RP1: variants seen among roughly 807,000 people sequenced by gnomAD.
RP1 encodes the protein oxygen-regulated protein 1.
RP1 carries 16 observed loss-of-function variants against 14.8 expected under a neutral mutation model. The ratio of observed to expected loss-of-function variants is 1.08; its 90% CI spans 0.73 to 1.65. The LOEUF (loss-of-function observed/expected upper bound fraction) is 1.65, where lower values mean the gene tolerates loss of function less well. RP1 is among the 40% of genes most tolerant of loss of function. The pLI is 0.00. For synonymous variants in RP1, 876 were observed against 883.6 expected (o/e 0.99, Z 0.15); for missense variants, 2,631 against 2,535.0 (o/e 1.04, Z -0.81).
At chr8:54,729,664 T>C (rs1250465581) in intron 17 of RP1, among the ~76,000 whole-genome samples, 2 of 152,234 alleles carry the variant, frequency 1.3e-5, no homozygotes, top group South Asian at 2.1e-4. Context: ...TTGTAGATTA[T>C]ATTAAATATA....
chr8:54,780,790 A>G, intron 23 of RP1: 1 of 241,220 alleles, frequency 4.1e-6, no homozygotes, highest in South Asian at 1.5e-4. Context: ...GTTGGTATCT[A>G]TGGGGGTTTC....
chr8:54,866,580 G>A (rs1041674793), intron 28 of RP1, among the ~76,000 whole-genome samples: 2 of 152,142 alleles, frequency 1.3e-5, no homozygotes, highest in African/African-American at 4.8e-5. Flanking sequence ...ACTAAACATA[G>A]AAATTATGTA....
chr8:54,858,252 A>G (rs897816422), intron 27 of RP1, among the ~76,000 whole-genome samples: 4 of 152,236 alleles, frequency 2.6e-5, no homozygotes, highest in African/African-American at 9.6e-5. Flanking sequence ...ATAGACACAT[A>G]GTTCAACGAG....
intron 19 of RP1, among the ~76,000 whole-genome samples, chr8:54,741,410 T>C (rs1809081367): frequency 6.6e-6 from 1 of 151,978 alleles, no homozygotes. Flanking sequence ...TTTCTCTGTT[T>C]AATATGTTTA....
At chr8:54,582,826 T>C (rs1246119213) in intron 1 of RP1, among the ~76,000 whole-genome samples, 2 of 152,218 alleles carry the variant, frequency 1.3e-5, no homozygotes, top group East Asian at 3.9e-4. Flanking sequence ...ATAGGAATGC[T>C]TGTGATTTTT....
intron 24 of RP1, among the ~76,000 whole-genome samples, chr8:54,806,783 A>G (rs1360781705): frequency 6.6e-6 from 1 of 152,162 alleles, no homozygotes; most frequent in Non-Finnish European, 1.5e-5. Context: ...GTTTTTAACA[A>G]ATTGTAATGG....
chr8:54,599,575 C>G (rs1805227381), intron 1 of RP1, among the ~76,000 whole-genome samples: 1 of 151,976 alleles, frequency 6.6e-6, no homozygotes, highest in African/African-American at 2.4e-5. Context: ...TCTCATGGCT[C>G]AGCCTCCCGA....
intron 1 of RP1, among the ~76,000 whole-genome samples, chr8:54,579,754 T>A (rs536157149): frequency 1.3e-5 from 2 of 152,330 alleles, no homozygotes; most frequent in Middle Eastern, 6.8e-3. Context: ...GACCTCTCTA[T>A]CCCACTCTGT....
chr8:54,621,035 C>G lies in RP1; in HGVS notation c.69C>G (p.Pro23=). Residue 23 remains proline, a synonymous_variant, in exon 2 of 4, where the codon CCC becomes CCG. Transcript: ENST00000220676. ...HPTSSEGQVP[P]PRHLSLTHPV... is the part of the protein sequence containing the mutation. Reference sequence around the variant, plus strand: ...CGTCTTCTGAAGGTCAAGTTCCACCCCCTCGCCATTTGAGCCTCACTCATC... The same window carrying G: ...CGTCTTCTGAAGGTCAAGTTCCACCGCCTCGCCATTTGAGCCTCACTCATC... The G allele has an allele frequency of 6.2e-7, 1 of 1,614,160 alleles. No homozygotes were observed. The highest frequency in any genetic ancestry group is 8.5e-7 in the Non-Finnish European group (1 of 1,180,028).
At chr8:54,605,191 C>T (rs1805398302) in intron 1 of RP1, among the ~76,000 whole-genome samples, 1 of 152,104 alleles carries the variant, frequency 6.6e-6, no homozygotes, top group South Asian at 2.1e-4. Flanking sequence ...TATAAATTTC[C>T]CTCTACACAC....
At chr8:54,774,511 C>G (rs74748968), downstream of RP1, among the ~76,000 whole-genome samples, 646 of 152,322 alleles carry the variant, frequency 4.2e-3, 20 homozygotes, top group East Asian at 0.071. Context: ...GTTGCTGTGA[C>G]TTACTGTTTG....
At chr8:54,637,659 C>T (rs950649115) in intron 3 of RP1, among the ~76,000 whole-genome samples, 6 of 151,906 alleles carry the variant, frequency 3.9e-5, no homozygotes, top group African/African-American at 1.2e-4. Flanking sequence ...GACATTTCAC[C>T]TTCAGCCTCC....
intron 24 of RP1, among the ~76,000 whole-genome samples, chr8:54,809,719 C>A (rs934322904): frequency 2.6e-5 from 4 of 152,080 alleles, no homozygotes; most frequent in Non-Finnish European, 4.4e-5. Flanking sequence ...TACTTTGATC[C>A]CAAGGACTAC....
intron 1 of RP1, among the ~76,000 whole-genome samples, chr8:54,605,709 G>A (rs1342133521): frequency 6.6e-6 from 1 of 152,198 alleles, no homozygotes; most frequent in South Asian, 2.1e-4. Context: ...CTTGCTTTAT[G>A]AATCTGGGTG....
At position 54,837,340 on chromosome 8, in the gene RP1, A is replaced by G. The variant is rs564051109; in HGVS notation, c.3616-110A>G. 7.1e-6 allele frequency: 3 copies of G among 419,796 alleles called. No homozygotes were observed. The South Asian group carries it at 4.2e-4, about 59-fold the overall frequency. The allele number at this position is 419,796 out of a possible 1,614,324, so 26.0% of individuals were successfully genotyped here. A position where few individuals can be genotyped will look rare whatever the true frequency, so the allele number is the denominator to read the frequency against. On this transcript the variant is annotated intron_variant, in intron 24 of 28. Transcript: ENST00000637698. Reference sequence around the variant, plus strand: ...GAAGTAACTGGTTCTAAGGGAAATTAGTAAGGAGTATTTATGATAAAAAAG... The same window carrying G: ...GAAGTAACTGGTTCTAAGGGAAATTGGTAAGGAGTATTTATGATAAAAAAG...
intron 1 of RP1, among the ~76,000 whole-genome samples, chr8:54,589,861 A>T (rs779111264): frequency 1.3e-5 from 2 of 152,180 alleles, no homozygotes; most frequent in Non-Finnish European, 2.9e-5. Flanking sequence ...AAAATGAATG[A>T]TCTCAAGTAC....
chr8:54,777,162 C>T (rs1810062855), intron 23 of RP1, among the ~76,000 whole-genome samples: 1 of 152,190 alleles, frequency 6.6e-6, no homozygotes, highest in African/African-American at 2.4e-5. Context: ...GCACCTTGAA[C>T]AGAGCCTAAT....
At chr8:54,869,822 C>A (rs958854862) in intron 28 of RP1, 29 of 1,094,748 alleles carry the variant, frequency 2.6e-5, no homozygotes, top group African/African-American at 3.3e-5. Flanking sequence ...TATTAATTAT[C>A]TTCTTTTTTT....
chr8:54,684,643 G>A (rs761390995), intron 12 of RP1, among the ~76,000 whole-genome samples: 2 of 151,948 alleles, frequency 1.3e-5, no homozygotes, highest in African/African-American at 2.4e-5. Flanking sequence ...TATTTCTTTG[G>A]GGTCAGTGGT....
Sources: allele counts gnomAD v4.1 joint callset (sites outside exome capture counted in the v4.1 genomes callset), GRCh38; gene constraint gnomAD v4.1.1; transcripts MANE v1.5; gene names NCBI Gene and HGNC (gene_info 2026-07-23, HGNC 2026-07-21).